Variants in AUH observed in about 807,000 individuals in gnomAD.
AUH encodes the protein AU RNA binding methylglutaconyl-CoA hydratase.
In AUH, 29 loss-of-function variants were observed where a neutral mutation model predicts 42.3. The ratio of observed to expected loss-of-function variants is 0.69; its 90% confidence interval spans 0.51 to 0.93. AUH has a LOEUF of 0.93. Ranked by LOEUF, AUH falls within the 40% of genes least tolerant of loss-of-function variation. The probability of loss-of-function intolerance (pLI) is 0.00; values close to 1 mark genes in which losing one functional copy is unlikely to be tolerated. For missense variants in AUH, 452 were observed against 438.1 expected, an observed-to-expected ratio of 1.03 and a Z score of -0.28; for synonymous variants, 174 against 166.4, an observed-to-expected ratio of 1.05 and a Z score of -0.35.
In AUH at chr9:91,355,921, A is replaced by G. The variant is rs752228394; in HGVS notation, c.380T>C (p.Ile127Thr). The change falls in exon 3 of 10, where the codon ATA becomes ACA. Residue 127 changes from isoleucine to threonine, a missense_variant. Physicochemically the swap from Ile to Thr is moderately conservative, Grantham distance 89. Coordinates refer to ENST00000375731, the MANE Select transcript of AUH (RefSeq NM_001698.3). ...CCCTGGGACTTCACTCCTGATTATT[A>G]TGGTCCGTACTTTCTTATCAGATTT... ...ALKSDKKVRT[I>T]IIRSEVPGIF... The G allele has an allele frequency of 6.2e-7, 1 of 1,613,490 alleles. No individual in the cohort carries two copies. The highest frequency in any genetic ancestry group is 1.1e-5 in the South Asian group (1 of 91,076).
Position 91,361,870 on chromosome 9 carries a change from G to C in AUH, c.20C>G (p.Ala7Gly). The change falls in exon 1 of 10, where the codon GCG (alanine) becomes GGG (glycine). Residue 7 changes from alanine (A) to glycine (G), a missense_variant. Transcript: ENST00000375731. ...CAGGGATCCCAAGGCCCCAGGTGCC[G>C]CCGCCACCGCGGCCGCCATGTTGTC... MAAAVAAAPGALGSLHA... is the reference protein window; with the variant it reads MAAAVAGAPGALGSLHA... The C allele has an allele frequency of 6.8e-7, 1 of 1,469,068 alleles. No homozygotes were observed. Among genetic ancestry groups the C allele is most frequent in the Non-Finnish European group, 9.0e-7 (1 of 1,116,666 alleles). 91.0% of individuals were successfully genotyped at this position (1,469,068 alleles called of 1,614,324 possible). A position where few individuals can be genotyped will look rare whatever the true frequency, so the allele number is the denominator to read the frequency against.
At chr9:91,341,250 A>T (rs1831078529) in intron 3 of AUH, among the ~76,000 whole-genome samples, 1 of 152,104 alleles carries the variant, frequency 6.6e-6, no homozygotes, top group Non-Finnish European at 1.5e-5. Context: ...GCCTTGGAGA[A>T]AGGGGACTGA....
chr9:91,230,146 G>A (rs1252976480), intron 6 of AUH, among the ~76,000 whole-genome samples: 72 of 151,792 alleles, frequency 4.7e-4, no homozygotes, highest in African/African-American at 1.7e-3. Context: ...ATATCCTGCA[G>A]AGTGTTTTCC....
chr9:91,249,292 C>CAAAAAAAAAAAAAAAAAAAAAA, intron 6 of AUH, among the ~76,000 whole-genome samples: 1 of 32,534 alleles, frequency 3.1e-5, no homozygotes, highest in Non-Finnish European at 6.0e-5. Flanking sequence ...GAACCTGTCT[C>CAAAAAAAAAAAAAAAAAAAAAA]AAAAAAAAAA....
At chr9:91,230,230 A>G (rs1827786568) in intron 6 of AUH, among the ~76,000 whole-genome samples, 1 of 152,008 alleles carries the variant, frequency 6.6e-6, no homozygotes, top group South Asian at 2.1e-4. Context: ...ACATAGTCCC[A>G]TATTTCTTGG....
At chr9:91,348,756 G>A (rs1319800004) in intron 3 of AUH, among the ~76,000 whole-genome samples, 1 of 152,074 alleles carries the variant, frequency 6.6e-6, no homozygotes, top group Non-Finnish European at 1.5e-5. Flanking sequence ...CAAGGGAAGG[G>A]GCTTGACTGC....
chr9:91,282,433 C>G lies in AUH; in HGVS notation c.655+13588G>C, dbSNP rs73651411. The stretch of plus-strand genomic sequence containing the variant: ...GTGCTAGAAGGTAACTGCTTGGTGG[C>G]AGGATCTTCCTCTGCTTGTTCACGG... On this transcript the variant is annotated intron_variant, in intron 6 of 9. Coordinates refer to ENST00000375731, the MANE Select transcript of AUH (RefSeq NM_001698.3). Among the ~76,000 whole-genome samples, 320 of 152,152 alleles carry G rather than the reference C, an allele frequency of 2.1e-3. 5 individuals are homozygous for G. Among genetic ancestry groups the G allele is most frequent in the African/African-American group, 7.2e-3 (298 of 41,516 alleles).
At chr9:91,270,169 T>C (rs1169966315) in intron 6 of AUH, among the ~76,000 whole-genome samples, 1 of 152,194 alleles carries the variant, frequency 6.6e-6, no homozygotes, top group Non-Finnish European at 1.5e-5. Context: ...TTTGGAAGAC[T>C]CTCAGAGACC....
intron 6 of AUH, among the ~76,000 whole-genome samples, chr9:91,279,789 A>G (rs1474581971): frequency 6.6e-6 from 1 of 152,180 alleles, no homozygotes; most frequent in Admixed American, 6.5e-5. Flanking sequence ...CTCTATCACA[A>G]GCCAAGAGGG....
chr9:91,279,923 T>C (rs1018275458), intron 6 of AUH, among the ~76,000 whole-genome samples: 1 of 152,218 alleles, frequency 6.6e-6, no homozygotes, highest in Non-Finnish European at 1.5e-5. Context: ...CTTAAAGGAA[T>C]GTAAGCTTAA....
chr9:91,316,621 C>T (rs1030481286), intron 4 of AUH, among the ~76,000 whole-genome samples: 1 of 152,196 alleles, frequency 6.6e-6, no homozygotes, highest in African/African-American at 2.4e-5. Flanking sequence ...AATTGCAGGT[C>T]TATGACTACT....
At chr9:91,260,460 T>C (rs1829652119) in intron 6 of AUH, among the ~76,000 whole-genome samples, 1 of 152,196 alleles carries the variant, frequency 6.6e-6, no homozygotes, top group Admixed American at 6.5e-5. Context: ...CTATCCTCAC[T>C]ACTGGCTTAC....
At chr9:91,301,819 T>C (rs1053337796) in intron 4 of AUH, among the ~76,000 whole-genome samples, 2 of 152,114 alleles carry the variant, frequency 1.3e-5, no homozygotes, top group Admixed American at 6.5e-5. Context: ...GGGTTCCACA[T>C]ACAAAAAGAA....
At chr9:91,277,877 G>A (rs754181060) in intron 6 of AUH, among the ~76,000 whole-genome samples, 1 of 151,966 alleles carries the variant, frequency 6.6e-6, no homozygotes, top group Non-Finnish European at 1.5e-5. Flanking sequence ...TTTTGTCTTT[G>A]AATGCTCTGG....
At chr9:91,231,587 A>T (rs1827886453) in intron 6 of AUH, among the ~76,000 whole-genome samples, 2 of 152,176 alleles carry the variant, frequency 1.3e-5, no homozygotes. Flanking sequence ...ACTTCTAAAC[A>T]GTCTTGGTGA....
intron 6 of AUH, among the ~76,000 whole-genome samples, chr9:91,269,044 G>A (rs1032575621): frequency 4.0e-5 from 6 of 151,684 alleles, no homozygotes; most frequent in South Asian, 4.2e-4. Context: ...ACAGTGGTGC[G>A]ATCTTGGCTA....
At chr9:91,224,970 A>G (rs531522676) in intron 6 of AUH, among the ~76,000 whole-genome samples, 24 of 152,348 alleles carry the variant, frequency 1.6e-4, no homozygotes, top group African/African-American at 5.3e-4. Flanking sequence ...ACAATGCAAT[A>G]TTGGACAACT....
At chr9:91,240,788 G>C (rs1362376518) in intron 6 of AUH, among the ~76,000 whole-genome samples, 1 of 151,420 alleles carries the variant, frequency 6.6e-6, no homozygotes, top group Non-Finnish European at 1.5e-5. Context: ...CCTCCCATGA[G>C]CTCCCTTTTG....
intron 3 of AUH, among the ~76,000 whole-genome samples, chr9:91,328,245 G>A (rs1263135799): frequency 6.6e-6 from 1 of 152,212 alleles, no homozygotes; most frequent in East Asian, 1.9e-4. Context: ...CCTCCTTAGA[G>A]GTTCGTTCCC....
Sources: allele counts gnomAD v4.1 joint callset (sites outside exome capture counted in the v4.1 genomes callset), GRCh38; gene constraint gnomAD v4.1.1; transcripts MANE v1.5; gene names NCBI Gene and HGNC (gene_info 2026-07-23, HGNC 2026-07-21).